Variants in FAF1 observed in about 807,000 individuals in gnomAD.
The protein encoded by FAF1 is FAS-associated factor 1.
Under a neutral mutation model 92.5 loss-of-function variants are expected in FAF1, and 25 were observed. The ratio of observed to expected loss-of-function variants is 0.27; its 90% confidence interval spans 0.20 to 0.38. The LOEUF (loss-of-function observed/expected upper bound fraction) is 0.38, where lower values mean the gene tolerates loss of function less well. Ranked by LOEUF, FAF1 falls within the 10% of genes least tolerant of loss-of-function variation. FAF1 has a pLI of 1.00. For synonymous variants in FAF1, 234 were observed against 273.2 expected, an observed-to-expected ratio of 0.86 and a Z score of 1.42; for missense variants, 636 against 793.3, an observed-to-expected ratio of 0.80 and a Z score of 2.38.
In FAF1 at chr1:50,756,687, T is replaced by C. The variant is rs373601259; in HGVS notation, c.368-11912A>G. ...CAGAAGAAAGGGTTTAACGGACTTA[T>C]AGTTCCACATGGTTGGGGAGGCCTC... is the stretch of plus-strand genomic sequence containing the variant. On this transcript the variant is annotated intron_variant, in intron 4 of 18. Transcript: ENST00000396153. 2.3e-3 allele frequency among the ~76,000 whole-genome samples: 346 copies of C among 152,330 alleles called. 3 individuals carry two copies. Among genetic ancestry groups the C allele is most frequent in the Admixed American group, 5.8e-3 (89 of 15,304 alleles).
At chr1:50,948,894 G>A (rs1006444737) in intron 1 of FAF1, among the ~76,000 whole-genome samples, 1 of 152,052 alleles carries the variant, frequency 6.6e-6, no homozygotes, top group African/African-American at 2.4e-5. Context: ...CCAAGGGGAT[G>A]GTGCTAAGCC....
chr1:50,603,615 G>T (rs939718113), intron 8 of FAF1, among the ~76,000 whole-genome samples: 2 of 152,074 alleles, frequency 1.3e-5, no homozygotes, highest in Non-Finnish European at 1.5e-5. Context: ...ACAATCCGAG[G>T]TTTCTTCTGC....
chr1:50,769,038 G>A (rs1283167178), intron 4 of FAF1, among the ~76,000 whole-genome samples: 3 of 151,296 alleles, frequency 2.0e-5, no homozygotes, highest in Non-Finnish European at 4.4e-5. Flanking sequence ...AGACTACTAA[G>A]TAGACTTAAA....
At chr1:50,676,731 A>G (rs962674010) in intron 7 of FAF1, among the ~76,000 whole-genome samples, 57 of 152,134 alleles carry the variant, frequency 3.7e-4, no homozygotes, top group Non-Finnish European at 7.8e-4. Flanking sequence ...CTGAGGCAGG[A>G]GAATCGCTTG....
chr1:50,472,060 G>A (rs1440573732), intron 18 of FAF1, among the ~76,000 whole-genome samples: 1 of 152,094 alleles, frequency 6.6e-6, no homozygotes, highest in Non-Finnish European at 1.5e-5. Flanking sequence ...CAAGTGGCAT[G>A]AGTGATAATC....
intron 13 of FAF1, among the ~76,000 whole-genome samples, chr1:50,551,003 T>C (rs1649286773): frequency 6.6e-6 from 1 of 152,242 alleles, no homozygotes; most frequent in Admixed American, 6.5e-5. Flanking sequence ...TATATGCCTA[T>C]GACATGTCCT....
At chr1:50,631,660 T>C (rs1653795565) in intron 8 of FAF1, among the ~76,000 whole-genome samples, 1 of 152,224 alleles carries the variant, frequency 6.6e-6, no homozygotes, top group South Asian at 2.1e-4. Flanking sequence ...TTGTTTTCTA[T>C]AAGTGAAATT....
In FAF1 at chr1:50,959,824, G is replaced by C. The variant is rs918496568; in HGVS notation, c.-13C>G. The C allele has an allele frequency of 3.2e-6, 5 of 1,555,866 alleles. No individual in the cohort carries two copies. The highest frequency in any genetic ancestry group is 4.4e-6 in the Non-Finnish European group (5 of 1,148,722). ...TGTTGGACGCCATGGCGGCCGCCGA[G>C]TTCCGCGGCTCCGGGAGCGAAGCGC... is the stretch of plus-strand genomic sequence containing the variant. On this transcript the variant is annotated 5_prime_UTR_variant, in exon 1 of 19. Transcript: ENST00000396153.
At chr1:50,538,422 T>C (rs1191238951) in intron 14 of FAF1, among the ~76,000 whole-genome samples, 6 of 152,016 alleles carry the variant, frequency 3.9e-5, no homozygotes, top group Admixed American at 3.3e-4. Context: ...TTTAACTAAA[T>C]ACATGGCAAT....
chr1:50,675,172 G>A (rs1378710910), intron 7 of FAF1, among the ~76,000 whole-genome samples: 5 of 152,234 alleles, frequency 3.3e-5, no homozygotes, highest in African/African-American at 1.2e-4. Flanking sequence ...TTACAGGCGT[G>A]AGCCACAGCG....
intron 12 of FAF1, among the ~76,000 whole-genome samples, chr1:50,567,731 C>T (rs557808957): frequency 3.3e-5 from 5 of 152,090 alleles, no homozygotes; most frequent in African/African-American, 1.2e-4. Flanking sequence ...ATCAAGTTTT[C>T]TTTTTGTTCT....
Position 50,490,615 on chromosome 1 carries a change from A to C in FAF1, c.1626T>G (p.Ile542Met). 6.2e-7 allele frequency: 1 copy of C among 1,613,292 alleles called. No individual in the cohort carries two copies. ...EMAEQFRLEQ[I>M]RKEQEEEREA... ...CACGTTCCTCTTCTTGTTCTTTGCG[A>C]ATCTGCTCCAAACGAAACTGTTCTG... The change falls in exon 17 of 19, where the codon ATT (isoleucine) becomes ATG (methionine). Residue 542 changes from isoleucine (I) to methionine (M), a missense_variant. Coordinates refer to ENST00000396153, the MANE Select transcript of FAF1 (RefSeq NM_007051.3).
chr1:50,802,389 C>T (rs1662028730), intron 2 of FAF1, among the ~76,000 whole-genome samples: 1 of 152,140 alleles, frequency 6.6e-6, no homozygotes, highest in African/African-American at 2.4e-5. Context: ...CGCGCCCGGC[C>T]ATTATATTCC....
chr1:50,523,276 T>C (rs1405164429), intron 15 of FAF1, among the ~76,000 whole-genome samples: 3 of 152,204 alleles, frequency 2.0e-5, no homozygotes, highest in African/African-American at 4.8e-5. Flanking sequence ...TTTGGGTATA[T>C]GGCCAGGAGT....
chr1:50,695,305 G>A (rs1657146526), intron 7 of FAF1, among the ~76,000 whole-genome samples: 1 of 151,886 alleles, frequency 6.6e-6, no homozygotes, highest in Non-Finnish European at 1.5e-5. Context: ...CTACTCAGGA[G>A]GCTGAGGCAG....
At position 50,535,345 on chromosome 1, in the gene FAF1, T is replaced by A. The variant is rs764573723; in HGVS notation, c.1494+24A>T. ...TCCTATTAAAATCTCATCAAAATCC[T>A]ATTAAAGATCTGCATAACCTTACCT... On this transcript the variant is annotated intron_variant, in intron 15 of 18. Coordinates refer to ENST00000396153, the MANE Select transcript of FAF1 (RefSeq NM_007051.3). 1.8e-5 allele frequency: 26 copies of A among 1,447,114 alleles called. No individual in the cohort carries two copies. In the Admixed American group the frequency reaches 4.2e-4, roughly 24 times the overall value. 89.6% of individuals were successfully genotyped at this position (1,447,114 alleles called of 1,614,324 possible). A position where few individuals can be genotyped will look rare whatever the true frequency, so the allele number is the denominator to read the frequency against.
intron 18 of FAF1, among the ~76,000 whole-genome samples, chr1:50,474,913 C>T (rs1646619498): frequency 6.6e-6 from 1 of 152,202 alleles, no homozygotes; most frequent in Non-Finnish European, 1.5e-5. Flanking sequence ...GAATCTAACA[C>T]ATCTATATCT....
chr1:50,733,827 C>T (rs1659027791), intron 6 of FAF1, among the ~76,000 whole-genome samples: 1 of 152,188 alleles, frequency 6.6e-6, no homozygotes, highest in East Asian at 1.9e-4. Flanking sequence ...GTTCCATACC[C>T]ACTCTGCTGC....
chr1:50,819,144 C>T (rs1259605985), intron 2 of FAF1, among the ~76,000 whole-genome samples: 4 of 151,960 alleles, frequency 2.6e-5, no homozygotes, highest in Non-Finnish European at 1.5e-5. Flanking sequence ...ATAGACAAGA[C>T]TACTAACATG....
Sources: gnomAD v4.1 joint callset for allele counts (sites outside exome capture counted in the v4.1 genomes callset) on GRCh38, gnomAD v4.1.1 for gene constraint, MANE v1.5 for transcripts, NCBI Gene and HGNC (gene_info 2026-07-23, HGNC 2026-07-21) for gene names.